Variants in PSMG2 observed in about 807,000 individuals in gnomAD.
PSMG2 encodes proteasome assembly chaperone 2.
Under a neutral mutation model 31.5 loss-of-function variants are expected in PSMG2, and 21 were observed. The ratio of observed to expected loss-of-function variants is 0.67; its 90% confidence interval spans 0.47 to 0.96. The LOEUF (loss-of-function observed/expected upper bound fraction) is 0.96, where lower values mean the gene tolerates loss of function less well. Among genes scored for constraint, PSMG2 ranks in the 40% least tolerant of loss-of-function variants. The pLI is 0.00. For missense variants in PSMG2, 318 were observed against 321.2 expected (o/e 0.99, Z 0.08); for synonymous variants, 120 against 110.4 (o/e 1.09, Z -0.54).
chr18:12,702,522 G>A (rs565697819), upstream of PSMG2: 14 of 1,608,876 alleles, frequency 8.7e-6, no homozygotes, highest in East Asian at 9.0e-5. Context: ...GCTTCAGCTC[G>A]GAGGCTTTCT....
chr18:12,692,717 G>C lies in PSMG2; in HGVS notation c.-36-13833G>C, dbSNP rs147330657. ...CTGCACTAGAATCTAAACTCCTTGA[G>C]AGCAAGCTGTCTAGCTGTCTGCTGC... is the stretch of plus-strand genomic sequence containing the variant. On this transcript the variant is annotated intron_variant, in intron 1 of 6. Transcript: ENST00000585331. Among the ~76,000 whole-genome samples the C allele has an allele frequency of 1.1e-3, 170 of 152,324 alleles. 1 individual carries two copies. Among genetic ancestry groups the C allele is most frequent in the East Asian group, 6.9e-3 (36 of 5,184 alleles).
chr18:12,688,911 G>A lies in PSMG2; in HGVS notation c.-36-17639G>A, dbSNP rs192959934. On this transcript the variant is annotated intron_variant, in intron 1 of 6. Coordinates refer to the PSMG2 transcript ENST00000585331. ...GGGCGGGTCATGAGGTCAGGAGATC[G>A]AGACCATCCTGGCTAACACAGTGAA... Among the ~76,000 whole-genome samples, 1,318 of 152,068 alleles carry A rather than the reference G, an allele frequency of 8.7e-3. 25 individuals are homozygous for A. Among genetic ancestry groups the A allele is most frequent in the African/African-American group, 0.031 (1,270 of 41,476 alleles).
At chr18:12,679,698 A>C (rs541994797) in intron 1 of PSMG2, among the ~76,000 whole-genome samples, 1 of 152,244 alleles carries the variant, frequency 6.6e-6, no homozygotes, top group Non-Finnish European at 1.5e-5. Context: ...TGGTAACCAC[A>C]TCAAATTTTA....
chr18:12,660,829 A>G (rs1415811813), intron 1 of PSMG2, among the ~76,000 whole-genome samples: 2 of 152,136 alleles, frequency 1.3e-5, no homozygotes, highest in African/African-American at 4.8e-5. Context: ...GCATATATGT[A>G]ATTAAGTTGA....
intron 3 of PSMG2, among the ~76,000 whole-genome samples, chr18:12,716,556 G>A (rs2040378675): frequency 6.6e-6 from 1 of 151,928 alleles, no homozygotes; most frequent in African/African-American, 2.4e-5. Flanking sequence ...ATCACGCCCG[G>A]CTAATTTTTT....
Position 12,725,570 on chromosome 18 carries a change from C to A in PSMG2, c.*39C>A, listed in dbSNP as rs772805697. ...TTATACCTTATACCCAAAACACTTA[C>A]TACCAACACAGCTGTTAAACATTCT... On this transcript the variant is annotated 3_prime_UTR_variant, in exon 7 of 7. Coordinates refer to ENST00000317615, the MANE Select transcript of PSMG2 (RefSeq NM_020232.5). The A allele has an allele frequency of 2.8e-6, 4 of 1,435,196 alleles. No homozygotes were observed. The highest frequency in any genetic ancestry group is 3.9e-6 in the Non-Finnish European group (4 of 1,029,080). The allele number at this position is 1,435,196 out of a possible 1,614,324, so 88.9% of individuals were successfully genotyped here. A position where few individuals can be genotyped will look rare whatever the true frequency, so the allele number is the denominator to read the frequency against.
rs571385588 is a variant in PSMG2, at chr18:12,715,545, G to A, written c.288+2785G>A. ...TTTGAGATGGAGTCTTGCTCTTGTC[G>A]CCCAGGCTGGAGTGCAGTGGCGTGA... On this transcript the variant is annotated intron_variant, in intron 3 of 6. Coordinates refer to ENST00000317615, the MANE Select transcript of PSMG2 (RefSeq NM_020232.5). Among the ~76,000 whole-genome samples the A allele has an allele frequency of 4.3e-3, 658 of 151,732 alleles. 2 individuals are homozygous for A. The highest frequency in any genetic ancestry group is 0.015 in the African/African-American group (640 of 41,350).
chr18:12,673,201 G>A (rs1381571295), intron 1 of PSMG2: 1 of 1,321,588 alleles, frequency 7.6e-7, no homozygotes, highest in African/African-American at 1.5e-5. Flanking sequence ...TTAAAGGAAT[G>A]CATGATTTTT....
At chr18:12,671,881 C>T (rs1032185779) in intron 1 of PSMG2, among the ~76,000 whole-genome samples, 5 of 152,096 alleles carry the variant, frequency 3.3e-5, no homozygotes, top group African/African-American at 1.2e-4. Context: ...AGTACAGTGG[C>T]ATGATCTTGG....
At chr18:12,678,476 TTAAAAA>T in intron 1 of PSMG2, 1 of 1,408,520 alleles carries the variant, frequency 7.1e-7, no homozygotes, top group Non-Finnish European at 9.6e-7. Flanking sequence ...ATATGAGAAC[TTAAAAA>T]TTAAAAAGGC....
upstream of PSMG2, chr18:12,699,904 T>G (rs758260642): frequency 6.3e-7 from 1 of 1,579,110 alleles, no homozygotes; most frequent in Admixed American, 1.8e-5. Context: ...CTCAACACTG[T>G]CCTAGAAAGG....
At chr18:12,714,685 G>A (rs1047769672) in intron 3 of PSMG2, among the ~76,000 whole-genome samples, 1 of 151,292 alleles carries the variant, frequency 6.6e-6, no homozygotes, top group African/African-American at 2.4e-5. Context: ...TGTAGAGGTG[G>A]GGTTTCGCCA....
At chr18:12,678,048 A>G in intron 1 of PSMG2, 2 of 1,382,768 alleles carry the variant, frequency 1.4e-6, no homozygotes, top group East Asian at 2.3e-5. Context: ...ACACACCAAA[A>G]AACAGTTAAA....
At chr18:12,699,799 C>T (rs776119867), upstream of PSMG2, 73 of 1,244,226 alleles carry the variant, frequency 5.9e-5, no homozygotes, top group South Asian at 1.1e-3. Context: ...TACTATTAAC[C>T]ACAACTAAAT....
chr18:12,684,788 A>G (rs1015239904), intron 1 of PSMG2: 1 of 151,146 alleles, frequency 6.6e-6, no homozygotes, highest in African/African-American at 2.4e-5. Flanking sequence ...TGGCCTAAAG[A>G]TAGTTTTACT....
intron 1 of PSMG2, chr18:12,686,493 T>C (rs1289474176): frequency 7.3e-7 from 1 of 1,378,504 alleles, no homozygotes; most frequent in Admixed American, 2.0e-5. Flanking sequence ...ATATTAATCA[T>C]CCCCAATTAT....
At chr18:12,671,924 G>A (rs913933646) in intron 1 of PSMG2, among the ~76,000 whole-genome samples, 3 of 152,100 alleles carry the variant, frequency 2.0e-5, no homozygotes, top group Admixed American at 2.0e-4. Context: ...AGGTTCAAGC[G>A]ATTCTCCTGC....
chr18:12,679,899 C>CA (rs1598624965), intron 1 of PSMG2, among the ~76,000 whole-genome samples: 2 of 151,802 alleles, frequency 1.3e-5, no homozygotes, highest in African/African-American at 4.8e-5. Flanking sequence ...CTCATCCCTA[C>CA]AAAAAAATTA....
chr18:12,692,164 A>C (rs1425852745), intron 1 of PSMG2: 2 of 151,968 alleles, frequency 1.3e-5, no homozygotes, highest in South Asian at 2.1e-4. Context: ...AAAAATACAA[A>C]AACTAGCTGG....
Sources: gnomAD v4.1 joint callset for allele counts (sites outside exome capture counted in the v4.1 genomes callset) on GRCh38, gnomAD v4.1.1 for gene constraint, MANE v1.5 for transcripts, NCBI Gene and HGNC (gene_info 2026-07-23, HGNC 2026-07-21) for gene names.